CYP4F11: variants seen among roughly 807,000 people sequenced by gnomAD.
The protein encoded by CYP4F11 is cytochrome P450 family 4 subfamily F member 11, also known as cytochrome P450 4F11.
CYP4F11 carries 79 observed loss-of-function variants against 62.2 expected under a neutral mutation model. The observed-to-expected ratio is 1.27, with a 90% confidence interval of 1.06 to 1.53. The LOEUF (loss-of-function observed/expected upper bound fraction) is 1.53, where lower values mean the gene tolerates loss of function less well. CYP4F11 is among the 40% of genes most tolerant of loss of function. The pLI, the probability that CYP4F11 is intolerant of heterozygous loss-of-function variation, is 0.00. For missense variants in CYP4F11, 777 were observed against 680.5 expected (o/e 1.14, Z -1.58); for synonymous variants, 290 against 263.7 (o/e 1.10, Z -0.97).
chr19:15,925,458 C>A (rs1249694193), intron 4 of CYP4F11, among the ~76,000 whole-genome samples: 1 of 151,988 alleles, frequency 6.6e-6, no homozygotes. Context: ...GCTATAAATT[C>A]ATTTCAAAAA....
chr19:15,924,434 G>A (rs1196698331), intron 5 of CYP4F11, among the ~76,000 whole-genome samples: 2 of 152,108 alleles, frequency 1.3e-5, no homozygotes, highest in Admixed American at 6.5e-5. Context: ...GCTCCATGTA[G>A]CGTCTACATG....
chr19:15,922,563 T>C, intron 6 of CYP4F11, 133 bp from the exon 7 acceptor site: 1 of 899,506 alleles, frequency 1.1e-6, no homozygotes, highest in East Asian at 2.5e-5. Context: ...CTCCTAGATG[T>C]CTCTTGGTCA....
At chr19:15,930,756 T>C (rs1010179885) in intron 1 of CYP4F11, among the ~76,000 whole-genome samples, 1 of 152,012 alleles carries the variant, frequency 6.6e-6, no homozygotes, top group Non-Finnish European at 1.5e-5. Flanking sequence ...GACAGCAGTG[T>C]GGCCTCAGGA....
rs1190566382 is a variant in CYP4F11, at chr19:15,919,516, A to G, written c.1115+2521T>C. 3.6e-5 allele frequency among the ~76,000 whole-genome samples: 5 copies of G among 138,762 alleles called. No homozygotes were observed. In the South Asian group the frequency reaches 1.3e-3, roughly 36 times the overall value. 91.0% of individuals were successfully genotyped at this position (138,762 alleles called of 152,430 possible). On this transcript the variant is annotated intron_variant, in intron 8 of 11. Transcript: ENST00000402119. The stretch of plus-strand genomic sequence containing the variant: ...GATAGATAGATAGATAGATAGATAG[A>G]TAGATAGACAGATAGATAAGCAGAC...
At chr19:15,919,975 C>T (rs1016221521) in intron 8 of CYP4F11, among the ~76,000 whole-genome samples, 1 of 151,884 alleles carries the variant, frequency 6.6e-6, no homozygotes, top group Admixed American at 6.6e-5. Context: ...TTCCATTAGA[C>T]GGGAGGAAAA....
chr19:15,934,177 T>C (rs1185671597), intron 1 of CYP4F11, 34 bp downstream of exon 1: 1 of 1,609,410 alleles, frequency 6.2e-7, no homozygotes, highest in Non-Finnish European at 8.5e-7. Flanking sequence ...CCATGCATCC[T>C]GAGACCCCAG....
At position 15,933,981 on chromosome 19, in the gene CYP4F11, C is replaced by T. The variant is rs376811143; in HGVS notation, c.198+230G>A. On this transcript the variant is annotated intron_variant, in intron 1 of 11. Coordinates refer to ENST00000402119, the MANE Select transcript of CYP4F11 (RefSeq NM_021187.4). ...GTGAGCGGGGAGAGGAATGAGTGAG[C>T]GGGGAGAGGAATGAGTGAGTGGGCA... Among the ~76,000 whole-genome samples the T allele has an allele frequency of 7.9e-4, 84 of 105,826 alleles. 1 individual carries two copies. The highest frequency in any genetic ancestry group is 1.7e-3 in the African/African-American group (45 of 27,128). The allele number at this position is 105,826 out of a possible 152,430, so 69.4% of individuals were successfully genotyped here. A position where few individuals can be genotyped will look rare whatever the true frequency, so the allele number is the denominator to read the frequency against.
Position 15,927,235 on chromosome 19 carries a change from T to C in CYP4F11, c.502A>G (p.Asn168Asp). The C allele has an allele frequency of 2.5e-6, 4 of 1,614,142 alleles. No homozygotes were observed. In the South Asian group the frequency reaches 3.3e-5, roughly 13 times the overall value. Residue 168 changes from asparagine to aspartate, a missense_variant, in exon 4 of 12, where the codon AAC becomes GAC. Asn to Asp is a conservative substitution (Grantham distance 23). Transcript: ENST00000402119. ...ACGTGCATGATGTTCACACTCTTGTTGAAAATCTTCATATAAGGCTTCAAG... is the reference window on the plus strand; with the variant it reads ...ACGTGCATGATGTTCACACTCTTGTCGAAAATCTTCATATAAGGCTTCAAG... ...NILKPYMKIF[N>D]KSVNIMHDKW... is the part of the protein sequence containing the mutation.
intron 1 of CYP4F11, among the ~76,000 whole-genome samples, chr19:15,931,042 T>C (rs1043903832): frequency 6.6e-6 from 1 of 152,100 alleles, no homozygotes; most frequent in African/African-American, 2.4e-5. Context: ...CAGGTCTAAG[T>C]CGGAGGCCAA....
chr19:15,925,436 C>T (rs2089661228), intron 4 of CYP4F11, among the ~76,000 whole-genome samples: 1 of 152,002 alleles, frequency 6.6e-6, no homozygotes, highest in Non-Finnish European at 1.5e-5. Context: ...GTTGGTTTTA[C>T]TCATCTCCAT....
intron 8 of CYP4F11, among the ~76,000 whole-genome samples, chr19:15,919,413 C>CGGATGGATGGATGGATGGAT (rs56657452): frequency 6.9e-6 from 1 of 144,506 alleles, no homozygotes; most frequent in African/African-American, 2.6e-5. Context: ...GATGGATGGA[C>CGGATGGATGGATGGATGGAT]GGATGGATGG....
intron 10 of CYP4F11, 76 bp downstream of exon 10, chr19:15,914,526 C>T (rs2089566473): frequency 1.9e-6 from 3 of 1,585,434 alleles, no homozygotes; most frequent in Non-Finnish European, 2.6e-6. Context: ...GTTGGATTTT[C>T]CTGGTCAAAA....
chr19:15,934,332 C>T lies in CYP4F11; in HGVS notation c.77G>A (p.Gly26Glu), dbSNP rs771978689. Reference protein sequence around the residue: ...ASPWLLLLLVGGSWLLARVLA... With the variant: ...ASPWLLLLLVEGSWLLARVLA... Reference sequence around the variant, plus strand: ...GACGCGGGCCAGGAGCCAGGAGCCTCCAACCAGCAGCAGAAGCAGCCACGG... The same window carrying T: ...GACGCGGGCCAGGAGCCAGGAGCCTTCAACCAGCAGCAGAAGCAGCCACGG... Residue 26 changes from glycine (G) to glutamate (E), a missense_variant, in exon 1 of 12, where the codon GGA becomes GAA. By Grantham distance (98) the Gly-to-Glu change is moderately conservative. Coordinates refer to ENST00000402119, the MANE Select transcript of CYP4F11 (RefSeq NM_021187.4). 3.7e-6 allele frequency: 6 copies of T among 1,613,456 alleles called. No homozygotes were observed. The African/African-American group carries it at 6.7e-5, about 18-fold the overall frequency.
In CYP4F11 at chr19:15,934,391, C is replaced by G. The variant is rs775742913; in HGVS notation, c.18G>C (p.Leu6=). ...CCACGGGCCCGAGGCCCAGCCAGGA[C>G]AGGCTCAGCTGCGGCATCCTGCAGG... The part of the protein sequence containing the change: MPQLS[L]SWLGLGPVAA... Residue 6 remains leucine, a synonymous_variant, in exon 1 of 12, where the codon CTG becomes CTC. Transcript: ENST00000402119. 2.5e-6 allele frequency: 4 copies of G among 1,613,234 alleles called. No individual in the cohort carries two copies. Among genetic ancestry groups the G allele is most frequent in the Admixed American group, 1.7e-5 (1 of 59,932 alleles).
rs145339339 is a variant in CYP4F11, at chr19:15,924,781, G to T, written c.627C>A (p.Ser209Arg). Residue 209 changes from serine to arginine, a missense_variant, in exon 5 of 12, where the codon AGC becomes AGA. Ser to Arg is a moderately radical substitution (Grantham distance 110, BLOSUM62 -1). Coordinates refer to ENST00000402119, the MANE Select transcript of CYP4F11 (RefSeq NM_021187.4). ...CTCACTCCTGACAATTGCTTTCAAA[G>T]CTGAAGACACATTTCTGCAGACTGT... is the stretch of plus-strand genomic sequence containing the variant. ...TLDSLQKCVFSFESNCQEKPS... is the reference protein window; with the variant it reads ...TLDSLQKCVFRFESNCQEKPS... 1.9e-6 allele frequency: 3 copies of T among 1,612,204 alleles called. No homozygotes were observed. In the African/African-American group the frequency reaches 4.0e-5, roughly 22 times the overall value.
chr19:15,925,016 C>A lies in CYP4F11; in HGVS notation c.526-134G>T, dbSNP rs2089658309. 3 of 1,030,142 alleles carry A rather than the reference C, an allele frequency of 2.9e-6. No individual in the cohort carries two copies. In the South Asian group the frequency reaches 5.3e-5, roughly 18 times the overall value. The allele number at this position is 1,030,142 out of a possible 1,614,324, so 63.8% of individuals were successfully genotyped here. A position where few individuals can be genotyped will look rare whatever the true frequency, so the allele number is the denominator to read the frequency against. ...CCCAGGTACCCATCCCCAGGAAGGA[C>A]CAGCCTTGGATAGGAGCAGAAACTG... On this transcript the variant is annotated intron_variant, in intron 4 of 11. Transcript: ENST00000402119.
In CYP4F11 at chr19:15,929,591, G is replaced by A. The variant is rs776689267; in HGVS notation, c.209C>T (p.Thr70Met). The A allele has an allele frequency of 3.9e-5, 63 of 1,600,460 alleles. No homozygotes were observed. The highest frequency in any genetic ancestry group is 3.5e-4 in the South Asian group (31 of 89,080). The change falls in exon 2 of 12, where the codon ACG becomes ATG. Residue 70 changes from threonine to methionine, a missense_variant. Physicochemically the swap from Thr to Met is moderately conservative, Grantham distance 81 (BLOSUM62 -1). Coordinates refer to ENST00000402119, the MANE Select transcript of CYP4F11 (RefSeq NM_021187.4). ...FWGHQGLVTP[T>M]EEGMKTLTQL... is the part of the protein sequence containing the mutation. ...GGTCAATGTCTTCATGCCCTCTTCC[G>A]TGGGAGTGACCTGAAAACAAGGCAG...
intron 1 of CYP4F11, among the ~76,000 whole-genome samples, chr19:15,931,581 C>CGGGGAGAGGAATGAGTGAGT (rs2089721405): frequency 1.8e-5 from 1 of 55,822 alleles, no homozygotes; most frequent in East Asian, 7.0e-4. Flanking sequence ...AATGAGTGAG[C>CGGGGAGAGGAATGAGTGAGT]GAGGAGAGGA....
intron 8 of CYP4F11, 74 bp from the exon 9 acceptor site, chr19:15,914,969 C>T (rs565985827): frequency 1.7e-5 from 26 of 1,567,586 alleles, no homozygotes; most frequent in Middle Eastern, 3.4e-4. Context: ...TGTTTCCAAG[C>T]GAGACTTTTT....
Sources: gnomAD v4.1 joint callset for allele counts (sites outside exome capture counted in the v4.1 genomes callset) on GRCh38, gnomAD v4.1.1 for gene constraint, MANE v1.5 for transcripts, NCBI Gene and HGNC (gene_info 2026-07-23, HGNC 2026-07-21) for gene names.